SLIT2: variants seen among roughly 807,000 people sequenced by gnomAD.
SLIT2 encodes the protein slit guidance ligand 2, also known as slit homolog 2 protein.
SLIT2 carries 41 observed loss-of-function variants against 185.7 expected under a neutral mutation model. The observed-to-expected ratio is 0.22, with a 90% CI of 0.17 to 0.29. The LOEUF (loss-of-function observed/expected upper bound fraction) is 0.29. SLIT2 is among the 10% of genes least tolerant of loss of function. The pLI, the probability that SLIT2 is intolerant of heterozygous loss-of-function variation, is 1.00. For missense variants in SLIT2, 1,571 were observed against 1,909.0 expected (o/e 0.82, Z 3.30); for synonymous variants, 693 against 680.2 (o/e 1.02, Z -0.29).
chr4:20,603,510 A>G (rs966838376), intron 33 of SLIT2, among the ~76,000 whole-genome samples: 1 of 152,170 alleles, frequency 6.6e-6, no homozygotes, highest in African/African-American at 2.4e-5. Context: ...GTTTCTTTTC[A>G]TCTAGAAAAA....
At chr4:20,591,039 C>T (rs1727477300) in intron 30 of SLIT2, among the ~76,000 whole-genome samples, 1 of 152,170 alleles carries the variant, frequency 6.6e-6, no homozygotes, top group South Asian at 2.1e-4. Context: ...TTTCATCAGA[C>T]AGCTAGCAAA....
chr4:20,274,716 A>G (rs1713986205), intron 4 of SLIT2, among the ~76,000 whole-genome samples: 1 of 150,834 alleles, frequency 6.6e-6, no homozygotes, highest in Non-Finnish European at 1.5e-5. Flanking sequence ...AGAAAATCAA[A>G]TGCAAGAATG....
intron 4 of SLIT2, among the ~76,000 whole-genome samples, chr4:20,309,020 C>T (rs1054541691): frequency 2.6e-5 from 4 of 151,972 alleles, no homozygotes; most frequent in African/African-American, 9.7e-5. Flanking sequence ...TTTTAGGATT[C>T]TGTCATCAGA....
intron 33 of SLIT2, among the ~76,000 whole-genome samples, chr4:20,599,522 A>G (rs1205820384): frequency 6.6e-6 from 1 of 152,192 alleles, no homozygotes; most frequent in Non-Finnish European, 1.5e-5. Context: ...TTTTATTATA[A>G]ATAGCCTTGA....
intron 26 of SLIT2, among the ~76,000 whole-genome samples, chr4:20,561,254 A>G (rs1182148312): frequency 6.6e-6 from 1 of 151,884 alleles, no homozygotes; most frequent in African/African-American, 2.4e-5. Flanking sequence ...AAACATTGGC[A>G]TAACCCATGA....
At position 20,253,678 on chromosome 4, in the gene SLIT2, TA is replaced by T. The variant is rs1722215162; in HGVS notation, c.-137del. On this transcript the variant is annotated 5_prime_UTR_variant, in exon 1 of 37. Transcript: ENST00000504154. ...TGGGCTCTACTGCCTTGTTCCATAT[TA>T]TTTGGTGCACATTTTCCCTGGCACT... The T allele has an allele frequency of 1.6e-5, 16 of 984,994 alleles. No homozygotes were observed. The Admixed American group carries it at 2.4e-4, about 15-fold the overall frequency. 61.0% of individuals were successfully genotyped at this position (984,994 alleles called of 1,614,324 possible). A position where few individuals can be genotyped will look rare whatever the true frequency, so the allele number is the denominator to read the frequency against.
At chr4:20,460,452 A>G (rs1041486167) in intron 4 of SLIT2, among the ~76,000 whole-genome samples, 19 of 152,346 alleles carry the variant, frequency 1.2e-4, no homozygotes, top group South Asian at 1.2e-3. Context: ...TAACAAATCA[A>G]TTCCTCACAT....
intron 32 of SLIT2, among the ~76,000 whole-genome samples, chr4:20,597,598 T>C (rs1314721161): frequency 6.6e-6 from 1 of 152,216 alleles, no homozygotes; most frequent in African/African-American, 2.4e-5. Flanking sequence ...ATATTTTTAA[T>C]TCAAATGACT....
chr4:20,511,016 A>T (rs778390279), intron 10 of SLIT2, 50 bp from the exon 11 acceptor site: 13 of 1,187,368 alleles, frequency 1.1e-5, no homozygotes, highest in Non-Finnish European at 1.5e-5. Flanking sequence ...TCCGCAGTAA[A>T]TCTCACTGAC....
intron 4 of SLIT2, among the ~76,000 whole-genome samples, chr4:20,368,219 C>CAAAAAAAAAAAAAAAGAAAAAAAAAAAAG (rs1723279346): frequency 9.3e-6 from 1 of 107,430 alleles, no homozygotes; most frequent in African/African-American, 3.8e-5. Context: ...CACAAAATAG[C>CAAAAAAAAAAAAAAAGAAAAAAAAAAAAG]AAAAAAAAAA....
At chr4:20,594,399 G>A (rs1727804972) in intron 30 of SLIT2, among the ~76,000 whole-genome samples, 1 of 151,784 alleles carries the variant, frequency 6.6e-6, no homozygotes, top group South Asian at 2.1e-4. Context: ...GTGTATGTGT[G>A]TGTATATATA....
rs76536207 is a variant in SLIT2 at position 20,460,470 on chromosome 4, A to G, written c.396-7282A>G. Among the ~76,000 whole-genome samples the G allele has an allele frequency of 7.8e-4, 119 of 152,314 alleles. 1 individual carries two copies. The East Asian group carries it at 0.021, about 27-fold the overall frequency. The stretch of plus-strand genomic sequence containing the variant: ...CAAATCAATTCCTCACATAGTCATC[A>G]TTTCTGTACTGAGAACCTAATCCAC... On this transcript the variant is annotated intron_variant, in intron 4 of 36. Coordinates refer to ENST00000504154, the MANE Select transcript of SLIT2 (RefSeq NM_004787.4).
At chr4:20,256,530 T>C in intron 1 of SLIT2, 142 bp from the exon 2 acceptor site, 1 of 512,648 alleles carries the variant, frequency 2.0e-6, no homozygotes, top group East Asian at 3.3e-5. Context: ...CTTTTAAAGG[T>C]TATCCTCTTC....
chr4:20,487,875 T>C (rs1473022591), intron 7 of SLIT2, among the ~76,000 whole-genome samples: 1 of 152,206 alleles, frequency 6.6e-6, no homozygotes, highest in Non-Finnish European at 1.5e-5. Context: ...CTTTCTGGAC[T>C]GAGTTCCATG....
intron 4 of SLIT2, among the ~76,000 whole-genome samples, chr4:20,403,601 C>T (rs1181218767): frequency 6.6e-6 from 1 of 151,914 alleles, no homozygotes; most frequent in Non-Finnish European, 1.5e-5. Flanking sequence ...GTTCAGTGCT[C>T]ATGACTGAAT....
chr4:20,262,852 G>T (rs1421387103), intron 3 of SLIT2, among the ~76,000 whole-genome samples: 2 of 151,902 alleles, frequency 1.3e-5, no homozygotes, highest in Non-Finnish European at 2.9e-5. Context: ...CCATCTGAGA[G>T]AATTTCTCAT....
Position 20,282,291 on chromosome 4 carries a change from T to G in SLIT2, c.395+13410T>G, listed in dbSNP as rs1275841192. On this transcript the variant is annotated intron_variant, in intron 4 of 36. Transcript: ENST00000504154. ...CCAGATATTTCTCTGTCTTCTAAATTAAGCCACCTGGGTTGAAGAACACTA... is the reference window on the plus strand; with the variant it reads ...CCAGATATTTCTCTGTCTTCTAAATGAAGCCACCTGGGTTGAAGAACACTA... Among the ~76,000 whole-genome samples, 6 of 152,330 alleles carry G rather than the reference T, an allele frequency of 3.9e-5. No homozygotes were observed. In the East Asian group the frequency reaches 9.6e-4, roughly 24 times the overall value.
At chr4:20,306,214 C>A (rs1442464872) in intron 4 of SLIT2, among the ~76,000 whole-genome samples, 1 of 152,014 alleles carries the variant, frequency 6.6e-6, no homozygotes, top group East Asian at 1.9e-4. Flanking sequence ...AGAAAGGGGA[C>A]TGGTCAGTGG....
At chr4:20,515,941 A>G (rs1023081243) in intron 11 of SLIT2, among the ~76,000 whole-genome samples, 1 of 152,022 alleles carries the variant, frequency 6.6e-6, no homozygotes, top group Admixed American at 6.6e-5. Context: ...TCAGCCTCTC[A>G]TGTAGCTGGG....
Sources: gnomAD v4.1 joint callset for allele counts (sites outside exome capture counted in the v4.1 genomes callset) on GRCh38, gnomAD v4.1.1 for gene constraint, MANE v1.5 for transcripts, NCBI Gene and HGNC (gene_info 2026-07-23, HGNC 2026-07-21) for gene names.